The following CHCHD6 variants were observed in gnomAD, a reference collection of about 807,000 sequenced individuals.
CHCHD6 encodes the protein coiled-coil-helix-coiled-coil-helix domain containing 6.
A neutral mutation model predicts 32.3 loss-of-function variants in CHCHD6; 28 were observed. The observed-to-expected ratio is 0.87, with a 90% CI of 0.64 to 1.19. The LOEUF is 1.19. Among genes scored for constraint, CHCHD6 ranks in the 50% most tolerant of loss-of-function variants. The probability of loss-of-function intolerance (pLI) is 0.00; values close to 1 mark genes in which losing one functional copy is unlikely to be tolerated. For synonymous variants in CHCHD6, 122 were observed against 117.5 expected (o/e 1.04, Z -0.25); for missense variants, 333 against 307.0 (o/e 1.08, Z -0.63).
chr3:126,915,031 C>T (rs1167050733), intron 6 of CHCHD6, among the ~76,000 whole-genome samples: 3 of 152,242 alleles, frequency 2.0e-5, no homozygotes, highest in Non-Finnish European at 2.9e-5. Flanking sequence ...TGAGCAGGGG[C>T]TCCTTTCCTT....
intron 5 of CHCHD6, among the ~76,000 whole-genome samples, chr3:126,861,227 T>G (rs1337311861): frequency 2.0e-5 from 3 of 152,062 alleles, no homozygotes; most frequent in African/African-American, 7.3e-5. Flanking sequence ...TGCATCCCTG[T>G]CCACAGACCT....
chr3:126,760,650 C>G (rs1012294267), intron 4 of CHCHD6, among the ~76,000 whole-genome samples: 23 of 152,172 alleles, frequency 1.5e-4, no homozygotes, highest in Non-Finnish European at 1.5e-4. Context: ...AAGGTTTATC[C>G]GTGTTATAGC....
intron 4 of CHCHD6, among the ~76,000 whole-genome samples, chr3:126,818,496 T>A (rs1285578855): frequency 6.6e-6 from 1 of 152,192 alleles, no homozygotes; most frequent in Non-Finnish European, 1.5e-5. Flanking sequence ...TAAAATTTAT[T>A]TTTTAAGAGG....
At chr3:126,883,729 G>A (rs960191898) in intron 5 of CHCHD6, among the ~76,000 whole-genome samples, 1 of 152,160 alleles carries the variant, frequency 6.6e-6, no homozygotes, top group Admixed American at 6.5e-5. Flanking sequence ...AGCACAACCC[G>A]TGTGCCATGG....
Position 126,741,418 on chromosome 3 carries a change from A to G in CHCHD6, c.411+8196A>G, listed in dbSNP as rs145310546. On this transcript the variant is annotated intron_variant, in intron 4 of 7. Transcript: ENST00000290913. Reference sequence around the variant, plus strand: ...AGCTTCTGACTGGTTCTCTGGAGAGAGAAGCTGAAGTCATGTGGGGGTCCT... The same window carrying G: ...AGCTTCTGACTGGTTCTCTGGAGAGGGAAGCTGAAGTCATGTGGGGGTCCT... Among the ~76,000 whole-genome samples, 60 of 151,882 alleles carry G rather than the reference A, an allele frequency of 4.0e-4. No homozygotes were observed. In the East Asian group the frequency reaches 0.011, roughly 28 times the overall value.
chr3:126,841,890 G>A (rs1227019477), intron 4 of CHCHD6, among the ~76,000 whole-genome samples: 1 of 152,026 alleles, frequency 6.6e-6, no homozygotes, highest in East Asian at 1.9e-4. Context: ...CTTCAGCCTG[G>A]GTGAAGGAGC....
At chr3:126,741,734 G>A (rs1366510096) in intron 4 of CHCHD6, among the ~76,000 whole-genome samples, 1 of 152,184 alleles carries the variant, frequency 6.6e-6, no homozygotes, top group Non-Finnish European at 1.5e-5. Context: ...TGATTCTGGT[G>A]CAGCAAGCCC....
At chr3:126,872,612 A>C (rs926220510) in intron 5 of CHCHD6, among the ~76,000 whole-genome samples, 1 of 152,200 alleles carries the variant, frequency 6.6e-6, no homozygotes, top group Non-Finnish European at 1.5e-5. Flanking sequence ...TCTTCCTGGC[A>C]TGAGGGATCC....
chr3:126,836,507 A>G (rs910928163), intron 4 of CHCHD6, among the ~76,000 whole-genome samples: 2 of 152,058 alleles, frequency 1.3e-5, no homozygotes, highest in East Asian at 1.9e-4. Flanking sequence ...TTCACTCATT[A>G]ATTTATGTTC....
intron 5 of CHCHD6, among the ~76,000 whole-genome samples, chr3:126,912,001 G>A (rs928651361): frequency 2.6e-5 from 4 of 152,192 alleles, no homozygotes; most frequent in African/African-American, 9.6e-5. Flanking sequence ...GTGGGGGGCG[G>A]GGCTTAGGAT....
At chr3:126,732,384 T>A (rs1935852719) in intron 3 of CHCHD6, among the ~76,000 whole-genome samples, 1 of 152,210 alleles carries the variant, frequency 6.6e-6, no homozygotes, top group South Asian at 2.1e-4. Context: ...TTGTCATTAG[T>A]TGCACCTGCT....
At chr3:126,957,787 G>C (rs1037899235) in intron 7 of CHCHD6, 2 of 604,242 alleles carry the variant, frequency 3.3e-6, no homozygotes, top group East Asian at 2.9e-5. Context: ...TCCCTGTTGC[G>C]TTTGCCCTAT....
chr3:126,758,973 C>T (rs142383298), intron 4 of CHCHD6, among the ~76,000 whole-genome samples: 433 of 152,314 alleles, frequency 2.8e-3, no homozygotes, highest in African/African-American at 9.7e-3. Context: ...TGCTTTGGAT[C>T]GCATCTGTGG....
At chr3:126,789,735 G>A (rs1252360502) in intron 4 of CHCHD6, among the ~76,000 whole-genome samples, 3 of 152,098 alleles carry the variant, frequency 2.0e-5, no homozygotes, top group African/African-American at 7.2e-5. Flanking sequence ...CGTGAGATGG[G>A]TTTCCTGAAT....
chr3:126,823,904 A>AACAC (rs565839224), intron 4 of CHCHD6, among the ~76,000 whole-genome samples: 3 of 151,228 alleles, frequency 2.0e-5, no homozygotes, highest in Non-Finnish European at 3.0e-5. Flanking sequence ...CAAAAACAAA[A>AACAC]ACACACACAC....
At chr3:126,771,696 C>G (rs1364110249) in intron 4 of CHCHD6, among the ~76,000 whole-genome samples, 1 of 152,064 alleles carries the variant, frequency 6.6e-6, no homozygotes. Flanking sequence ...CTATTTTGCT[C>G]TTGCTTCTCT....
At chr3:126,953,530 C>G (rs957174086) in intron 6 of CHCHD6, among the ~76,000 whole-genome samples, 6 of 152,340 alleles carry the variant, frequency 3.9e-5, no homozygotes, top group African/African-American at 1.4e-4. Flanking sequence ...CTGGCCCCAC[C>G]TCGGTTTCTC....
At chr3:126,742,227 A>T (rs184846681) in intron 4 of CHCHD6, among the ~76,000 whole-genome samples, 1 of 152,310 alleles carries the variant, frequency 6.6e-6, no homozygotes, top group Admixed American at 6.5e-5. Context: ...CAAAGCCTCA[A>T]TTCTTTGCAG....
At chr3:126,742,100 G>A (rs980570549) in intron 4 of CHCHD6, among the ~76,000 whole-genome samples, 8 of 152,198 alleles carry the variant, frequency 5.3e-5, no homozygotes, top group East Asian at 1.9e-4. Context: ...TGGGTTCAGC[G>A]TTTTAGGGGA....
Sources: gnomAD v4.1 joint callset for allele counts (sites outside exome capture counted in the v4.1 genomes callset) on GRCh38, gnomAD v4.1.1 for gene constraint, MANE v1.5 for transcripts, NCBI Gene and HGNC (gene_info 2026-07-23, HGNC 2026-07-21) for gene names.